Variants in CENPN observed in about 807,000 individuals in gnomAD.
CENPN encodes the protein centromere protein N.
CENPN carries 36 observed loss-of-function variants against 48.6 expected under a neutral mutation model. That is an observed-to-expected ratio of 0.74 (90% CI 0.57 to 0.98). The LOEUF (loss-of-function observed/expected upper bound fraction) is 0.98, where lower values mean the gene tolerates loss of function less well. CENPN is among the 50% of genes least tolerant of loss of function. The probability of loss-of-function intolerance (pLI) is 0.00; values close to 1 mark genes in which losing one functional copy is unlikely to be tolerated. For synonymous variants in CENPN, 166 were observed against 135.2 expected, an observed-to-expected ratio of 1.23 and a Z score of -1.58; for missense variants, 439 against 399.2, an observed-to-expected ratio of 1.10 and a Z score of -0.85.
chr16:81,011,918 GT>G lies in CENPN; in HGVS notation c.-10-8del, dbSNP rs1432786145. 6 of 1,607,420 alleles carry G rather than the reference GT, an allele frequency of 3.7e-6. No individual in the cohort carries two copies. The highest frequency in any genetic ancestry group is 3.4e-5 in the Admixed American group (2 of 59,012). On this transcript the variant is annotated splice_polypyrimidine_tract_variant and intron_variant, in intron 1 of 10. Transcript: ENST00000305850. ...GTTAATACTTTGTTGTGCTGTTTTT[GT>G]TTTGTAAAAGTGCCAAAGAGATGGA...
chr16:81,017,445 G>A, intron 4 of CENPN, 60 bp downstream of exon 4: 1 of 1,185,162 alleles, frequency 8.4e-7, no homozygotes, highest in Non-Finnish European at 1.3e-6. Context: ...AGGAAGCAGA[G>A]GTTACAGCGA....
In CENPN at chr16:81,030,119, T is replaced by A; in HGVS notation, c.*1468T>A. 3.8e-6 allele frequency: 3 copies of A among 783,772 alleles called. No homozygotes were observed. The South Asian group carries it at 1.7e-4, about 46-fold the overall frequency. The allele number at this position is 783,772 out of a possible 1,614,324, so 48.6% of individuals were successfully genotyped here. On this transcript the variant is annotated 3_prime_UTR_variant, in exon 11 of 11. Transcript: ENST00000305850. ...GTATGGGGGAAATCGTTCCCATGAC[T>A]CAAGTATCTCCACCTGGCCCTGCCC...
At chr16:81,014,205 A>G in intron 3 of CENPN, 24 bp downstream of exon 3, 1 of 1,599,602 alleles carries the variant, frequency 6.3e-7, no homozygotes, top group Non-Finnish European at 8.6e-7. Flanking sequence ...ATTTGTATTT[A>G]TACTTAACCA....
intron 8 of CENPN, 68 bp downstream of exon 8, chr16:81,024,846 G>A (rs763249307): frequency 2.0e-6 from 2 of 1,023,640 alleles, no homozygotes; most frequent in Non-Finnish European, 3.0e-6. Flanking sequence ...TCTTTCACTT[G>A]GTAAAACGTG....
chr16:81,017,727 A>G (rs1309672212), intron 4 of CENPN, 31 bp from the exon 5 acceptor site: 1 of 1,488,084 alleles, frequency 6.7e-7, no homozygotes, highest in Admixed American at 2.0e-5. Flanking sequence ...AGCTCCCTTG[A>G]TTTTTCTTTA....
intron 7 of CENPN, chr16:81,023,886 C>T (rs1270893044): frequency 2.0e-5 from 3 of 152,232 alleles, no homozygotes; most frequent in Non-Finnish European, 4.4e-5. Flanking sequence ...CAAGACCATC[C>T]TTGCTAACAC....
intron 6 of CENPN, among the ~76,000 whole-genome samples, chr16:81,020,737 G>A (rs867522483): frequency 3.3e-5 from 5 of 152,004 alleles, no homozygotes; most frequent in Admixed American, 6.6e-5. Context: ...TCCCTATTCC[G>A]TTCGTTCAAA....
At chr16:81,026,675 A>C in intron 9 of CENPN, 37 bp downstream of exon 9, 4 of 1,033,536 alleles carry the variant, frequency 3.9e-6, no homozygotes, top group Non-Finnish European at 5.8e-6. Context: ...ACAAGATATC[A>C]ACATTGTTTA....
At chr16:81,014,090 C>A (rs775600924) in intron 2 of CENPN, 46 bp from the exon 3 acceptor site, 1 of 1,543,054 alleles carries the variant, frequency 6.5e-7, no homozygotes, top group Non-Finnish European at 9.0e-7. Context: ...CGGGATAGAA[C>A]CAAACCTATA....
chr16:81,032,941 C>G (rs957756646), downstream of CENPN: 8 of 338,040 alleles, frequency 2.4e-5, no homozygotes, highest in Non-Finnish European at 3.7e-5. Flanking sequence ...TGTGGCCAAC[C>G]AACCAATGAT....
chr16:81,022,960 A>C, intron 7 of CENPN: 1 of 1,311,336 alleles, frequency 7.6e-7, no homozygotes. Flanking sequence ...TCACCTGATC[A>C]CACTAGAATT....
At chr16:81,012,677 C>T (rs962636635) in intron 2 of CENPN, among the ~76,000 whole-genome samples, 1 of 152,208 alleles carries the variant, frequency 6.6e-6, no homozygotes, top group African/African-American at 2.4e-5. Flanking sequence ...CTTACTGCAA[C>T]CTCTGCCTCC....
intron 3 of CENPN, 192 bp downstream of exon 3, chr16:81,014,373 T>C: frequency 1.7e-6 from 1 of 584,042 alleles, no homozygotes; most frequent in East Asian, 2.9e-5. Flanking sequence ...TAGCTGGGAC[T>C]ATAGCAGTGC....
In CENPN at chr16:81,031,435, C is replaced by G. The variant is rs1970772580; in HGVS notation, c.*2784C>G. 6.6e-6 allele frequency: 1 copy of G among 152,220 alleles called. No homozygotes were observed. Among genetic ancestry groups the G allele is most frequent in the Non-Finnish European group, 1.5e-5 (1 of 68,048 alleles). The allele number at this position is 152,220 out of a possible 1,614,324, so 9.4% of individuals were successfully genotyped here. ...ACAAGTGGCTTCTAGCTGAATCTGT[C>G]TCCCAAATTGCAATTCCTAAGACCT... On this transcript the variant is annotated 3_prime_UTR_variant, in exon 11 of 11. Transcript: ENST00000305850.
In CENPN at chr16:81,030,071, A is replaced by G. The variant is rs562809733; in HGVS notation, c.*1420A>G. ...TTATAAAACCACCAGAGCTCATGAAACTTATTCACTACCATGAGAATAGTA... is the reference window on the plus strand; with the variant it reads ...TTATAAAACCACCAGAGCTCATGAAGCTTATTCACTACCATGAGAATAGTA... On this transcript the variant is annotated 3_prime_UTR_variant, in exon 11 of 11. Coordinates refer to ENST00000305850, the MANE Select transcript of CENPN (RefSeq NM_001100624.3). 37 of 359,440 alleles carry G rather than the reference A, an allele frequency of 1.0e-4. No homozygotes were observed. The East Asian group carries it at 3.3e-3, about 32-fold the overall frequency. 22.3% of individuals were successfully genotyped at this position (359,440 alleles called of 1,614,324 possible).
chr16:81,010,512 G>A (rs907124955), intron 1 of CENPN, among the ~76,000 whole-genome samples: 3 of 152,208 alleles, frequency 2.0e-5, no homozygotes, highest in African/African-American at 7.2e-5. Flanking sequence ...CAGGAGAAGT[G>A]AGGGAGGAAA....
At chr16:81,023,532 CA>C (rs1261255041) in intron 7 of CENPN, 2 of 151,800 alleles carry the variant, frequency 1.3e-5, no homozygotes, top group African/African-American at 2.4e-5. Context: ...CTCTACAAAA[CA>C]AAAAATAAAT....
Position 81,028,542 on chromosome 16 carries a change from T to C in CENPN, c.938-27T>C, listed in dbSNP as rs1475043980. ...CCTGTGATGACTTTTAATTTTCTTT[T>C]TCCCTTTTTTTTTTTTTTAATTTCA... On this transcript the variant is annotated intron_variant, in intron 10 of 10. Coordinates refer to ENST00000305850, the MANE Select transcript of CENPN (RefSeq NM_001100624.3). 4 of 1,515,128 alleles carry C rather than the reference T, an allele frequency of 2.6e-6. No individual in the cohort carries two copies. The African/African-American group carries it at 5.2e-5, about 20-fold the overall frequency. The allele number at this position is 1,515,128 out of a possible 1,614,324, so 93.9% of individuals were successfully genotyped here. A position where few individuals can be genotyped will look rare whatever the true frequency, so the allele number is the denominator to read the frequency against.
chr16:81,020,482 G>A, intron 6 of CENPN: 1 of 432,914 alleles, frequency 2.3e-6, no homozygotes, highest in Non-Finnish European at 4.0e-6. Context: ...GCGATCACAA[G>A]ACAAAGCAAC....
Sources: gnomAD v4.1 joint callset for allele counts (sites outside exome capture counted in the v4.1 genomes callset) on GRCh38, gnomAD v4.1.1 for gene constraint, MANE v1.5 for transcripts, NCBI Gene and HGNC (gene_info 2026-07-23, HGNC 2026-07-21) for gene names.